NCOA2: variants seen among roughly 807,000 people sequenced by gnomAD.
NCOA2 encodes nuclear receptor coactivator 2.
In NCOA2, 21 loss-of-function variants were observed where a neutral mutation model predicts 145.1. The ratio of observed to expected loss-of-function variants is 0.14; its 90% confidence interval spans 0.10 to 0.21. NCOA2 has a LOEUF of 0.21. NCOA2 is among the 10% of genes least tolerant of loss of function. NCOA2 has a pLI of 1.00. For synonymous variants in NCOA2, 619 were observed against 637.5 expected (o/e 0.97, Z 0.44); for missense variants, 1,472 against 1,837.6 (o/e 0.80, Z 3.64).
chr8:70,198,395 C>A (rs1192557142), intron 4 of NCOA2, among the ~76,000 whole-genome samples: 1 of 152,126 alleles, frequency 6.6e-6, no homozygotes, highest in African/African-American at 2.4e-5. Flanking sequence ...GAGCAGGAGA[C>A]AGCCTGGAAA....
intron 1 of NCOA2, among the ~76,000 whole-genome samples, chr8:70,314,180 C>CCA (rs1805368252): frequency 1.2e-4 from 2 of 17,202 alleles, no homozygotes; most frequent in Non-Finnish European, 3.4e-4. Flanking sequence ...ACTCTGACTC[C>CCA]AAAAAAAAAA....
Position 70,295,390 on chromosome 8 carries a change from A to G in NCOA2, c.-20+1354T>C, listed in dbSNP as rs117193191. On this transcript the variant is annotated intron_variant, in intron 2 of 22. Coordinates refer to ENST00000452400, the MANE Select transcript of NCOA2 (RefSeq NM_006540.4). Reference sequence around the variant, plus strand: ...CTTTGCTCTCTATAAATATACCACAAAACACATCTAATATGTTAATATGAT... The same window carrying G: ...CTTTGCTCTCTATAAATATACCACAGAACACATCTAATATGTTAATATGAT... 1.6e-4 allele frequency among the ~76,000 whole-genome samples: 25 copies of G among 152,290 alleles called. No individual in the cohort carries two copies. In the East Asian group the frequency reaches 4.4e-3, roughly 27 times the overall value.
At chr8:70,436,634 G>C in the NCOA2 span, among the ~76,000 whole-genome samples, 1 of 152,156 alleles carries the variant, frequency 6.6e-6, no homozygotes, top group Non-Finnish European at 1.5e-5. Flanking sequence ...AACTACTAAA[G>C]GCTTTAACCA....
chr8:70,243,952 ACTG>A (rs1024048486), intron 2 of NCOA2, among the ~76,000 whole-genome samples: 2 of 152,062 alleles, frequency 1.3e-5, no homozygotes, highest in Non-Finnish European at 2.9e-5. Flanking sequence ...ATTAAACTAT[ACTG>A]TGCTAAGATA....
chr8:70,158,708 C>T lies in NCOA2; in HGVS notation c.1124+797G>A, dbSNP rs191128940. Reference sequence around the variant, plus strand: ...CAGAGGTTGCAGTGAGCTGAGATCGCGCCACTGCACTCCAGTCTGGGAGAC... The same window carrying T: ...CAGAGGTTGCAGTGAGCTGAGATCGTGCCACTGCACTCCAGTCTGGGAGAC... On this transcript the variant is annotated intron_variant, in intron 10 of 22. Coordinates refer to ENST00000452400, the MANE Select transcript of NCOA2 (RefSeq NM_006540.4). Among the ~76,000 whole-genome samples, 1,182 of 152,110 alleles carry T rather than the reference C, an allele frequency of 7.8e-3. 10 individuals carry two copies. The highest frequency in any genetic ancestry group is 0.025 in the African/African-American group (1,042 of 41,484).
intron 1 of NCOA2, among the ~76,000 whole-genome samples, chr8:70,382,415 CG>C (rs1308163993): frequency 3.9e-5 from 6 of 152,040 alleles, no homozygotes; most frequent in Non-Finnish European, 2.9e-5. Flanking sequence ...TTTAAAATGT[CG>C]TTTCCACAAG....
intron 5 of NCOA2, among the ~76,000 whole-genome samples, chr8:70,173,056 G>A (rs1411581496): frequency 6.6e-6 from 1 of 152,188 alleles, no homozygotes; most frequent in East Asian, 1.9e-4. Flanking sequence ...TAAGTCACCA[G>A]ATTTAAGAAT....
At chr8:70,401,103 A>ACACACACACACACG (rs1491425561) in intron 1 of NCOA2, among the ~76,000 whole-genome samples, 17 of 149,630 alleles carry the variant, frequency 1.1e-4, no homozygotes, top group African/African-American at 3.8e-4. Context: ...ACACACACAT[A>ACACACACACACACG]CACACACACA....
At chr8:70,264,063 T>C (rs1586298059) in intron 2 of NCOA2, among the ~76,000 whole-genome samples, 1 of 151,720 alleles carries the variant, frequency 6.6e-6, no homozygotes, top group East Asian at 2.0e-4. Flanking sequence ...AAATACAAAA[T>C]TAGCCAGACG....
chr8:70,140,237 A>T lies in NCOA2; in HGVS notation c.3028+947T>A, dbSNP rs116602836. 3.7e-3 allele frequency among the ~76,000 whole-genome samples: 564 copies of T among 152,134 alleles called. 4 individuals carry two copies. The highest frequency in any genetic ancestry group is 0.012 in the African/African-American group (509 of 41,496). On this transcript the variant is annotated intron_variant, in intron 14 of 22. Coordinates refer to ENST00000452400, the MANE Select transcript of NCOA2 (RefSeq NM_006540.4). Reference sequence around the variant, plus strand: ...TCATTCCCCCAAAAAGAAACCCATTACTCATTAGGAGTCACTCCCTACTTC... The same window carrying T: ...TCATTCCCCCAAAAAGAAACCCATTTCTCATTAGGAGTCACTCCCTACTTC...
intron 1 of NCOA2, among the ~76,000 whole-genome samples, chr8:70,307,018 GCTT>G (rs1827947604): frequency 6.6e-6 from 1 of 152,098 alleles, no homozygotes; most frequent in South Asian, 2.1e-4. Flanking sequence ...TTCTATTACT[GCTT>G]CTTCTGCCAG....
At chr8:70,345,382 G>A (rs1444005061) in intron 1 of NCOA2, among the ~76,000 whole-genome samples, 7 of 152,134 alleles carry the variant, frequency 4.6e-5, no homozygotes, top group Admixed American at 4.6e-4. Context: ...AGGATTAACA[G>A]CACATCCACT....
intron 1 of NCOA2, among the ~76,000 whole-genome samples, chr8:70,394,941 C>T (rs962283525): frequency 1.3e-5 from 2 of 152,226 alleles, no homozygotes; most frequent in African/African-American, 4.8e-5. Context: ...AACACAGGCA[C>T]AACATAACTG....
chr8:70,426,300 C>A, the NCOA2 span, among the ~76,000 whole-genome samples: 2 of 152,160 alleles, frequency 1.3e-5, no homozygotes, highest in Non-Finnish European at 2.9e-5. Flanking sequence ...CCGATAAAAA[C>A]ATTCATACTA....
At chr8:70,216,799 T>A in intron 2 of NCOA2, 35 bp from the exon 3 acceptor site, 1 of 1,303,474 alleles carries the variant, frequency 7.7e-7, no homozygotes, top group Middle Eastern at 1.8e-4. Flanking sequence ...AAGAAAAAAA[T>A]GAAGAGAGCT....
At chr8:70,397,218 T>C (rs1037111567) in intron 1 of NCOA2, among the ~76,000 whole-genome samples, 4 of 152,230 alleles carry the variant, frequency 2.6e-5, no homozygotes, top group South Asian at 2.1e-4. Context: ...TAGCACTCTG[T>C]GAGGCTGAGG....
intron 14 of NCOA2, among the ~76,000 whole-genome samples, chr8:70,140,695 G>A (rs1164796943): frequency 6.8e-6 from 1 of 146,196 alleles, no homozygotes; most frequent in African/African-American, 2.6e-5. Flanking sequence ...CACCTCCCAG[G>A]AAGTGATTCT....
chr8:70,431,362 T>C, the NCOA2 span, among the ~76,000 whole-genome samples: 1 of 152,200 alleles, frequency 6.6e-6, no homozygotes, highest in Admixed American at 6.5e-5. Context: ...AAACAGCACA[T>C]TTTTCATTCT....
chr8:70,376,436 A>G (rs1009460230), intron 1 of NCOA2, among the ~76,000 whole-genome samples: 13 of 152,124 alleles, frequency 8.5e-5, no homozygotes, highest in African/African-American at 3.1e-4. Flanking sequence ...AACTCTGTGC[A>G]ATACAGTCTG....
Sources: gnomAD v4.1 joint callset for allele counts (sites outside exome capture counted in the v4.1 genomes callset) on GRCh38, gnomAD v4.1.1 for gene constraint, MANE v1.5 for transcripts, NCBI Gene and HGNC (gene_info 2026-07-23, HGNC 2026-07-21) for gene names.